SLC9A8: variants seen among roughly 807,000 people sequenced by gnomAD.
The protein encoded by SLC9A8 is sodium/hydrogen exchanger 8.
SLC9A8 carries 48 observed loss-of-function variants against 66.6 expected under a neutral mutation model. The observed-to-expected ratio is 0.72, with a 90% CI of 0.57 to 0.92. The LOEUF (loss-of-function observed/expected upper bound fraction) is 0.92. Among genes scored for constraint, SLC9A8 ranks in the 40% least tolerant of loss-of-function variants. The pLI is 0.00. For synonymous variants in SLC9A8, 274 were observed against 282.6 expected, an observed-to-expected ratio of 0.97 and a Z score of 0.31; for missense variants, 599 against 747.3, an observed-to-expected ratio of 0.80 and a Z score of 2.31.
intron 10 of SLC9A8, among the ~76,000 whole-genome samples, chr20:49,873,582 C>T (rs1392927532): frequency 6.6e-6 from 1 of 150,764 alleles, no homozygotes; most frequent in East Asian, 2.0e-4. Context: ...ACCAGCCTGA[C>T]TAACATGGAG....
chr20:49,886,893 C>G lies in SLC9A8; in HGVS notation c.1633C>G (p.Gln545Glu). The G allele has an allele frequency of 6.2e-7, 1 of 1,613,684 alleles. No individual in the cohort carries two copies. Among genetic ancestry groups the G allele is most frequent in the Non-Finnish European group, 8.5e-7 (1 of 1,179,732 alleles). ...LNPFFTRRLT[Q>E]EDLHHGRIQM... is the part of the protein sequence containing the mutation. ...CCCCTTCTTCACTCGGAGGCTGACG[C>G]AGGAGGTGGGATACCGGCCAGGCCA... is the stretch of plus-strand genomic sequence containing the variant. The change falls in exon 15 of 16, where the codon CAG (glutamine) becomes GAG (glutamate). Residue 545 changes from glutamine to glutamate, a missense_variant. Gln to Glu is a conservative substitution (Grantham distance 29, BLOSUM62 2). This residue lies in a region of SLC9A8 where 467 missense variants were observed against 626.5 expected (regional missense o/e 0.75). Coordinates refer to ENST00000361573, the MANE Select transcript of SLC9A8 (RefSeq NM_015266.3). The surrounding 1 kb of genome is among the most constrained non-coding windows in gnomAD (Gnocchi z 4.8).
At chr20:49,859,073 T>C (rs1396749599) in intron 8 of SLC9A8, among the ~76,000 whole-genome samples, 1 of 152,162 alleles carries the variant, frequency 6.6e-6, no homozygotes, top group African/African-American at 2.4e-5. Context: ...GCAGCAGTGC[T>C]ACTGCTGAGG....
At chr20:49,824,929 G>A (rs1473920810) in intron 3 of SLC9A8, among the ~76,000 whole-genome samples, 1 of 152,184 alleles carries the variant, frequency 6.6e-6, no homozygotes, top group Non-Finnish European at 1.5e-5. Context: ...TGATGAGGTA[G>A]TGGGTCCTGG....
At chr20:49,870,326 G>A (rs2089164789) in intron 10 of SLC9A8, among the ~76,000 whole-genome samples, 1 of 152,244 alleles carries the variant, frequency 6.6e-6, no homozygotes, top group African/African-American at 2.4e-5. Flanking sequence ...GTGACAGAGA[G>A]TGGCATGTGG....
intron 3 of SLC9A8, 28 bp from the exon 4 acceptor site, chr20:49,839,513 A>G (rs897089339): frequency 1.4e-6 from 2 of 1,387,734 alleles, no homozygotes; most frequent in African/African-American, 2.9e-5. Context: ...TCTTAAATTT[A>G]TGTTAAAGTT....
At chr20:49,866,317 G>T (rs1260752741) in intron 10 of SLC9A8, among the ~76,000 whole-genome samples, 1 of 152,264 alleles carries the variant, frequency 6.6e-6, no homozygotes, top group South Asian at 2.1e-4. Flanking sequence ...AAGGGCATTT[G>T]GGGTTTTCCA....
Position 49,887,839 on chromosome 20 carries a change from AC to A in SLC9A8, c.1650del (p.His550GlnfsTer6). On this transcript the variant is annotated frameshift_variant, in exon 16 of 16. Coordinates refer to ENST00000361573, the MANE Select transcript of SLC9A8 (RefSeq NM_015266.3). LOFTEE classifies it high-confidence loss of function. ...TGTCTCTCGACCCAGGACCTGCACC[AC>A]GGGCGCATCCAGATGAAAACTCTCA... ...TRRLTQEDLH[H>X]GRIQMKTLTN... 1.2e-6 allele frequency: 2 copies of A among 1,607,624 alleles called. No individual in the cohort carries two copies. Among genetic ancestry groups the A allele is most frequent in the South Asian group, 2.2e-5 (2 of 90,262 alleles).
At chr20:49,837,851 G>C (rs2087601149) in intron 3 of SLC9A8, among the ~76,000 whole-genome samples, 1 of 152,138 alleles carries the variant, frequency 6.6e-6, no homozygotes, top group African/African-American at 2.4e-5. Flanking sequence ...TTACAGGCAT[G>C]AGCCACCACG....
chr20:49,888,005 G>C lies in SLC9A8; in HGVS notation c.*69G>C. 1 of 1,238,732 alleles carries C rather than the reference G, an allele frequency of 8.1e-7. No individual in the cohort carries two copies. 76.7% of individuals were successfully genotyped at this position (1,238,732 alleles called of 1,614,324 possible). On this transcript the variant is annotated 3_prime_UTR_variant, in exon 16 of 16. Coordinates refer to ENST00000361573, the MANE Select transcript of SLC9A8 (RefSeq NM_015266.3). ...TTTGCTGCGCACAGACACTCAGCAG[G>C]GGCCTCGCAGAGATGCGTGCATCCA...
At chr20:49,857,445 C>T (rs781550727) in intron 8 of SLC9A8, among the ~76,000 whole-genome samples, 7 of 152,178 alleles carry the variant, frequency 4.6e-5, no homozygotes, top group South Asian at 2.1e-4. Context: ...GGGCTGGGCG[C>T]GGTGGCTCAC....
chr20:49,845,415 G>A (rs1321612766), intron 5 of SLC9A8, among the ~76,000 whole-genome samples: 3 of 152,222 alleles, frequency 2.0e-5, no homozygotes, highest in African/African-American at 4.8e-5. Context: ...CACAGATGAT[G>A]CATTGACTCG....
At chr20:49,839,516 T>A (rs756825106) in intron 3 of SLC9A8, 25 bp from the exon 4 acceptor site, 21 of 1,407,430 alleles carry the variant, frequency 1.5e-5, no homozygotes, top group Non-Finnish European at 1.9e-5. Context: ...TAAATTTATG[T>A]TAAAGTTTAC....
rs1035059541 is a variant in SLC9A8, at chr20:49,812,861, A to C, written c.-62A>C. 26 of 1,489,932 alleles carry C rather than the reference A, an allele frequency of 1.7e-5. No individual in the cohort carries two copies. In the African/African-American group the frequency reaches 1.9e-4, roughly 11 times the overall value. 92.3% of individuals were successfully genotyped at this position (1,489,932 alleles called of 1,614,324 possible). A position where few individuals can be genotyped will look rare whatever the true frequency, so the allele number is the denominator to read the frequency against. On this transcript the variant is annotated 5_prime_UTR_variant, in exon 1 of 16. Transcript: ENST00000361573. ...GCCCGCGCCTCCAGCGGAAGCCGGA[A>C]GCAAAAGCGGGTCCTGCTAGCCCCG...
At chr20:49,851,336 G>A (rs150598516) in intron 7 of SLC9A8, among the ~76,000 whole-genome samples, 27 of 152,250 alleles carry the variant, frequency 1.8e-4, no homozygotes, top group African/African-American at 6.3e-4. Context: ...AGCCACTCCC[G>A]TGAGCACTTC....
At chr20:49,874,661 G>C (rs753553171) in intron 10 of SLC9A8, 44 bp from the exon 11 acceptor site, 1 of 1,201,948 alleles carries the variant, frequency 8.3e-7, no homozygotes, top group Non-Finnish European at 1.2e-6. Context: ...TCTGAGTTGG[G>C]GATCACACGG....
intron 1 of SLC9A8, among the ~76,000 whole-genome samples, 179 bp downstream of exon 1, chr20:49,813,127 C>T (rs1181403101): frequency 6.6e-6 from 1 of 152,224 alleles, no homozygotes; most frequent in Non-Finnish European, 1.5e-5. Flanking sequence ...CCCAGGTGGG[C>T]CTTGCTTTCC....
At position 49,849,593 on chromosome 20, in the gene SLC9A8, A is replaced by G. The variant is rs201006896; in HGVS notation, c.447A>G (p.Gln149=). ...CTTTCAAACAGGGTAACTTCTTTCAAAATATTGGTTCCATCACCCTGTTTG... is the reference window on the plus strand; with the variant it reads ...CTTTCAAACAGGGTAACTTCTTTCAGAATATTGGTTCCATCACCCTGTTTG... ...GYSLHKGNFF[Q]NIGSITLFAV... Residue 149 remains glutamine (Q), a synonymous_variant, in exon 6 of 16, where the codon CAA becomes CAG. Transcript: ENST00000361573. 1.8e-3 allele frequency: 2,975 copies of G among 1,613,230 alleles called. 68 individuals are homozygous for G. The South Asian group carries it at 0.03, about 16-fold the overall frequency.
intron 11 of SLC9A8, 85 bp downstream of exon 11, chr20:49,874,906 CTT>C: frequency 1.1e-6 from 1 of 921,358 alleles, no homozygotes; most frequent in South Asian, 1.3e-5. Context: ...TCAGTTGAGA[CTT>C]TCCCTGGCAG....
chr20:49,880,131 G>A (rs750135289), intron 12 of SLC9A8, among the ~76,000 whole-genome samples: 3 of 151,974 alleles, frequency 2.0e-5, no homozygotes, highest in Non-Finnish European at 2.9e-5. Context: ...AGGCATGGTG[G>A]TGCATACCTG....
Sources: allele counts gnomAD v4.1 joint callset (sites outside exome capture counted in the v4.1 genomes callset), GRCh38; gene constraint gnomAD v4.1.1; regional missense constraint gnomAD v4.1.1; non-coding constraint Gnocchi (gnomAD v3.1); transcripts MANE v1.5; gene names NCBI Gene and HGNC (gene_info 2026-07-23, HGNC 2026-07-21).